The following NRXN1 variants were observed in gnomAD, a reference collection of about 807,000 sequenced individuals.
The protein encoded by NRXN1 is neurexin 1, also known as neurexin-1.
A neutral mutation model predicts 150.9 loss-of-function variants in NRXN1; 39 were observed. The observed-to-expected ratio is 0.26, with a 90% CI of 0.20 to 0.34. NRXN1 has a LOEUF of 0.34. Among genes scored for constraint, NRXN1 ranks in the 10% least tolerant of loss-of-function variants. The pLI, the probability that NRXN1 is intolerant of heterozygous loss-of-function variation, is 1.00. For missense variants in NRXN1, 1,815 were observed against 1,949.9 expected, an observed-to-expected ratio of 0.93 and a Z score of 1.30; for synonymous variants, 924 against 757.0, an observed-to-expected ratio of 1.22 and a Z score of -3.62.
intron 8 of NRXN1, among the ~76,000 whole-genome samples, chr2:50,560,422 A>T (rs1486809106): frequency 1.4e-5 from 2 of 140,516 alleles, no homozygotes; most frequent in African/African-American, 5.2e-5. Context: ...AGTCTGATGT[A>T]TGTTTATTTA....
chr2:50,615,378 A>T (rs1035758242), intron 8 of NRXN1: 6 of 152,186 alleles, frequency 3.9e-5, no homozygotes, highest in African/African-American at 1.2e-4. Flanking sequence ...TATTTAACAC[A>T]CAGTCCTTTC....
intron 15 of NRXN1, among the ~76,000 whole-genome samples, chr2:50,495,028 C>A (rs2091482254): frequency 6.9e-6 from 1 of 144,288 alleles, no homozygotes; most frequent in Non-Finnish European, 1.5e-5. Context: ...AAGACTCTGT[C>A]TCCAAAAAAA....
intron 21 of NRXN1, among the ~76,000 whole-genome samples, chr2:50,044,652 A>T (rs1691523372): frequency 6.6e-6 from 1 of 152,202 alleles, no homozygotes; most frequent in African/African-American, 2.4e-5. Context: ...TGTCATGTAC[A>T]AAAGCTTTGC....
intron 8 of NRXN1, among the ~76,000 whole-genome samples, chr2:50,580,339 G>C (rs1459720666): frequency 6.6e-6 from 1 of 152,064 alleles, no homozygotes; most frequent in Non-Finnish European, 1.5e-5. Flanking sequence ...AACAAAGCTA[G>C]CTGAAACCCA....
chr2:50,962,298 A>G (rs1217810631), intron 2 of NRXN1, among the ~76,000 whole-genome samples: 1 of 151,668 alleles, frequency 6.6e-6, no homozygotes, highest in Non-Finnish European at 1.5e-5. Context: ...TCTACTTTCC[A>G]GTTAAAATTC....
intron 5 of NRXN1, among the ~76,000 whole-genome samples, chr2:50,743,365 G>A (rs1699667641): frequency 6.6e-6 from 1 of 152,094 alleles, no homozygotes; most frequent in Non-Finnish European, 1.5e-5. Flanking sequence ...ATTGAGGGTG[G>A]CAAACTAAAT....
intron 22 of NRXN1, among the ~76,000 whole-genome samples, chr2:49,932,427 G>A (rs987136586): frequency 6.6e-6 from 1 of 152,082 alleles, no homozygotes; most frequent in Admixed American, 6.6e-5. Flanking sequence ...AGAAAATGCT[G>A]AAGTCATTCT....
At chr2:50,215,008 T>C (rs1019193049) in intron 18 of NRXN1, among the ~76,000 whole-genome samples, 4 of 152,062 alleles carry the variant, frequency 2.6e-5, no homozygotes, top group African/African-American at 9.7e-5. Context: ...ACCTGAATTG[T>C]ACATATCACA....
Position 50,869,109 on chromosome 2 carries a change from G to A in NRXN1, c.832+52760C>T, listed in dbSNP as rs568732867. 2.6e-5 allele frequency among the ~76,000 whole-genome samples: 4 copies of A among 151,754 alleles called. No homozygotes were observed. The East Asian group carries it at 5.9e-4, about 22-fold the overall frequency. ...TGTTTTCTCCCTTTTTTAAATTCAT[G>A]TGATAATATTGTTTTCTTGCTGACA... On this transcript the variant is annotated intron_variant, in intron 5 of 22. Transcript: ENST00000401669.
At chr2:50,126,212 A>G (rs1704562828) in intron 18 of NRXN1, among the ~76,000 whole-genome samples, 1 of 152,080 alleles carries the variant, frequency 6.6e-6, no homozygotes, top group Non-Finnish European at 1.5e-5. Context: ...ATATTAGAAC[A>G]TTGCTCTTTC....
intron 5 of NRXN1, among the ~76,000 whole-genome samples, chr2:50,769,814 C>T (rs3892750): frequency 0.15 from 22,666 of 152,014 alleles, 2,145 homozygotes; most frequent in Non-Finnish European, 0.22. Context: ...TTAACATGAC[C>T]ATCTAGTGTC....
chr2:50,589,062 G>A (rs1307494359), intron 8 of NRXN1: 1 of 152,126 alleles, frequency 6.6e-6, no homozygotes, highest in African/African-American at 2.4e-5. Context: ...TAGACTTTGG[G>A]GTGACCGAAG....
intron 5 of NRXN1, among the ~76,000 whole-genome samples, chr2:50,692,471 T>C (rs76790621): frequency 7.1e-6 from 1 of 140,164 alleles, no homozygotes; most frequent in Admixed American, 6.8e-5. Flanking sequence ...TCTGTGGAGA[T>C]TTTTTTTTCA....
At chr2:50,752,103 C>T (rs919841902) in intron 5 of NRXN1, among the ~76,000 whole-genome samples, 14 of 151,888 alleles carry the variant, frequency 9.2e-5, no homozygotes, top group Admixed American at 5.9e-4. Context: ...TCAAACAAAC[C>T]TTTTAGCATT....
chr2:50,201,858 G>C (rs546483633), intron 18 of NRXN1, among the ~76,000 whole-genome samples: 1 of 152,180 alleles, frequency 6.6e-6, no homozygotes. Context: ...TGCACTTACA[G>C]AGCTAGCATC....
intron 18 of NRXN1, among the ~76,000 whole-genome samples, chr2:50,129,545 T>C (rs1163355208): frequency 6.6e-6 from 1 of 152,218 alleles, no homozygotes; most frequent in Admixed American, 6.5e-5. Flanking sequence ...AAAGAAATTT[T>C]ATTTTGCTTG....
At chr2:50,533,994 G>A (rs1473517935) in intron 10 of NRXN1, among the ~76,000 whole-genome samples, 1 of 151,906 alleles carries the variant, frequency 6.6e-6, no homozygotes, top group Non-Finnish European at 1.5e-5. Flanking sequence ...AGTACCTTGA[G>A]GGCAGAGATC....
chr2:50,847,801 C>T (rs998123404), intron 5 of NRXN1, among the ~76,000 whole-genome samples: 1 of 152,086 alleles, frequency 6.6e-6, no homozygotes, highest in East Asian at 1.9e-4. Flanking sequence ...AGCAGCCAGC[C>T]GTCCACCATC....
At chr2:50,035,113 A>G (rs894687531) in intron 21 of NRXN1, among the ~76,000 whole-genome samples, 3 of 152,150 alleles carry the variant, frequency 2.0e-5, no homozygotes, top group African/African-American at 7.2e-5. Context: ...AAGAAATAAA[A>G]GAATATAACC....
Sources: allele counts gnomAD v4.1 joint callset (sites outside exome capture counted in the v4.1 genomes callset), GRCh38; gene constraint gnomAD v4.1.1; transcripts MANE v1.5; gene names NCBI Gene and HGNC (gene_info 2026-07-23, HGNC 2026-07-21).